CAMKMT: variants seen among roughly 807,000 people sequenced by gnomAD.
The protein encoded by CAMKMT is CaM KMT.
In CAMKMT, 53 loss-of-function variants were observed where a neutral mutation model predicts 48.0. The ratio of observed to expected loss-of-function variants is 1.10; its 90% CI spans 0.89 to 1.39. The LOEUF is 1.39. Ranked by LOEUF, CAMKMT falls within the 40% of genes most tolerant of loss-of-function variation. The pLI is 0.00. For missense variants in CAMKMT, 428 were observed against 402.7 expected, an observed-to-expected ratio of 1.06 and a Z score of -0.54; for synonymous variants, 165 against 152.3, an observed-to-expected ratio of 1.08 and a Z score of -0.61.
intron 3 of CAMKMT, among the ~76,000 whole-genome samples, chr2:44,542,594 G>T (rs993329867): frequency 1.3e-4 from 19 of 151,314 alleles, no homozygotes; most frequent in African/African-American, 4.4e-4. Flanking sequence ...CTATACATGT[G>T]TAAAGAAACT....
chr2:44,762,458 C>A (rs1421324363), intron 9 of CAMKMT, among the ~76,000 whole-genome samples: 5 of 152,114 alleles, frequency 3.3e-5, no homozygotes, highest in African/African-American at 7.2e-5. Flanking sequence ...GGTCTTCCTC[C>A]CCTAATGCAT....
intron 9 of CAMKMT, among the ~76,000 whole-genome samples, chr2:44,760,992 A>T (rs567163782): frequency 5.3e-4 from 81 of 152,146 alleles, no homozygotes; most frequent in African/African-American, 1.9e-3. Context: ...GTTAGATATG[A>T]CCTAACTCTA....
At chr2:44,387,778 T>A (rs536562608) in intron 2 of CAMKMT, among the ~76,000 whole-genome samples, 64 of 152,304 alleles carry the variant, frequency 4.2e-4, no homozygotes, top group South Asian at 2.7e-3. Flanking sequence ...TTCCTTCATA[T>A]ATGATGCCTA....
At chr2:44,393,334 G>T (rs1403943498) in intron 3 of CAMKMT, 2 of 152,110 alleles carry the variant, frequency 1.3e-5, no homozygotes, top group African/African-American at 4.8e-5. Flanking sequence ...TTATATTTTT[G>T]AGGTAACTTT....
chr2:44,517,684 T>A (rs1219231292), intron 3 of CAMKMT, among the ~76,000 whole-genome samples: 1 of 152,144 alleles, frequency 6.6e-6, no homozygotes, highest in East Asian at 1.9e-4. Context: ...CAGGCCAAAT[T>A]GGTAACCCTA....
intron 2 of CAMKMT, among the ~76,000 whole-genome samples, chr2:44,374,992 G>A (rs1396480476): frequency 1.3e-5 from 2 of 152,102 alleles, no homozygotes; most frequent in Non-Finnish European, 2.9e-5. Context: ...TTAGCCAGGG[G>A]TGGTGGTATG....
In CAMKMT at chr2:44,389,250, G is replaced by A. The variant is rs74985491; in HGVS notation, c.312-991G>A. Among the ~76,000 whole-genome samples the A allele has an allele frequency of 7.7e-3, 1,176 of 152,114 alleles. 19 individuals are homozygous for A. The highest frequency in any genetic ancestry group is 0.027 in the African/African-American group (1,116 of 41,498). ...TTCTTATAAAGAAACCAGTCACATT[G>A]CATTAGGGCCCACCCTAATGACCCT... On this transcript the variant is annotated intron_variant, in intron 2 of 10. Transcript: ENST00000378494.
chr2:44,595,360 C>T (rs547400188), intron 3 of CAMKMT, among the ~76,000 whole-genome samples: 6 of 152,302 alleles, frequency 3.9e-5, no homozygotes, highest in Admixed American at 2.6e-4. Context: ...CCCGCCTCAG[C>T]GTCCAAAGTG....
At chr2:44,439,786 AAAATAAATAAATAAATAAAT>A (rs201288437) in intron 3 of CAMKMT, among the ~76,000 whole-genome samples, 4 of 147,922 alleles carry the variant, frequency 2.7e-5, no homozygotes, top group South Asian at 2.2e-4. Context: ...TCCATCTCAT[AAAATAAATAAATAAATAAAT>A]AAATAAATAA....
At chr2:44,756,622 G>T (rs1314941530) in intron 9 of CAMKMT, among the ~76,000 whole-genome samples, 1 of 151,906 alleles carries the variant, frequency 6.6e-6, no homozygotes, top group Non-Finnish European at 1.5e-5. Flanking sequence ...GGCGCCTGTA[G>T]TCCCAGCTAC....
At chr2:44,427,334 A>G (rs1327687658) in intron 3 of CAMKMT, among the ~76,000 whole-genome samples, 1 of 152,238 alleles carries the variant, frequency 6.6e-6, no homozygotes, top group Non-Finnish European at 1.5e-5. Flanking sequence ...GAACTTCTGC[A>G]CAGCAAAATA....
At chr2:44,550,717 G>T (rs1361498130) in intron 3 of CAMKMT, 2 of 152,140 alleles carry the variant, frequency 1.3e-5, no homozygotes, top group Non-Finnish European at 2.9e-5. Context: ...AGCTTGCAGT[G>T]ACTGGATGAG....
chr2:44,604,618 C>A (rs1671183980), intron 3 of CAMKMT, among the ~76,000 whole-genome samples: 1 of 149,792 alleles, frequency 6.7e-6, no homozygotes, highest in Admixed American at 6.7e-5. Flanking sequence ...CCTAAATACA[C>A]ATAGTAAAAT....
chr2:44,742,111 G>A (rs1177132664), intron 7 of CAMKMT, among the ~76,000 whole-genome samples: 1 of 152,092 alleles, frequency 6.6e-6, no homozygotes, highest in East Asian at 1.9e-4. Flanking sequence ...TGTGATGAGG[G>A]CTGGGAAGGC....
intron 7 of CAMKMT, among the ~76,000 whole-genome samples, chr2:44,723,226 G>C (rs1282594506): frequency 6.6e-6 from 1 of 152,144 alleles, no homozygotes; most frequent in East Asian, 1.9e-4. Flanking sequence ...GCCCTCACGT[G>C]GGGACCACCA....
At chr2:44,420,466 C>A (rs1683857699) in intron 3 of CAMKMT, among the ~76,000 whole-genome samples, 1 of 152,022 alleles carries the variant, frequency 6.6e-6, no homozygotes, top group South Asian at 2.1e-4. Context: ...TTGCATATAA[C>A]TTTTGACTAT....
intron 9 of CAMKMT, among the ~76,000 whole-genome samples, chr2:44,755,439 C>T (rs891542103): frequency 6.6e-6 from 1 of 152,088 alleles, no homozygotes; most frequent in Non-Finnish European, 1.5e-5. Flanking sequence ...AGGGGCGGCT[C>T]AAGATTCTTG....
At chr2:44,626,100 A>G (rs1226602933) in intron 3 of CAMKMT, among the ~76,000 whole-genome samples, 1 of 152,198 alleles carries the variant, frequency 6.6e-6, no homozygotes, top group African/African-American at 2.4e-5. Context: ...TCATAGATGA[A>G]TTTAAAGAGA....
chr2:44,560,538 C>T (rs1376225819), intron 3 of CAMKMT, among the ~76,000 whole-genome samples: 2 of 152,188 alleles, frequency 1.3e-5, no homozygotes, highest in East Asian at 1.9e-4. Context: ...TTCCAAAGTG[C>T]TGGGATTATA....
Sources: allele counts gnomAD v4.1 joint callset (sites outside exome capture counted in the v4.1 genomes callset), GRCh38; gene constraint gnomAD v4.1.1; transcripts MANE v1.5; gene names NCBI Gene and HGNC (gene_info 2026-07-23, HGNC 2026-07-21).